Variants in FAM110B observed in about 807,000 individuals in gnomAD.
FAM110B encodes the protein protein FAM110B.
Under a neutral mutation model 20.4 loss-of-function variants are expected in FAM110B, and 6 were observed. The observed-to-expected ratio is 0.29, with a 90% confidence interval of 0.16 to 0.58. FAM110B has a LOEUF of 0.58. Ranked by LOEUF, FAM110B falls within the 20% of genes least tolerant of loss-of-function variation. FAM110B has a pLI of 0.90. For synonymous variants in FAM110B, 226 were observed against 214.1 expected, an observed-to-expected ratio of 1.06 and a Z score of -0.49; for missense variants, 434 against 498.2, an observed-to-expected ratio of 0.87 and a Z score of 1.23.
chr8:58,120,551 A>T (rs1005246804), intron 3 of FAM110B, among the ~76,000 whole-genome samples: 11 of 152,204 alleles, frequency 7.2e-5, no homozygotes, highest in Admixed American at 6.5e-4. Flanking sequence ...ACAGGTGAAC[A>T]TCTTTCTGTG....
chr8:58,025,675 A>G (rs1563500580), intron 1 of FAM110B, among the ~76,000 whole-genome samples: 1 of 152,180 alleles, frequency 6.6e-6, no homozygotes, highest in Non-Finnish European at 1.5e-5. Context: ...CACTGAGATT[A>G]ATTTAGGATG....
At chr8:58,085,474 C>T in intron 3 of FAM110B, among the ~76,000 whole-genome samples, 1 of 152,238 alleles carries the variant, frequency 6.6e-6, no homozygotes, top group Non-Finnish European at 1.5e-5. Context: ...GATCGCACCA[C>T]TGCACTCCAG....
At chr8:58,142,552 C>A (rs1803765725) in intron 3 of FAM110B, among the ~76,000 whole-genome samples, 2 of 151,614 alleles carry the variant, frequency 1.3e-5, no homozygotes, top group African/African-American at 4.8e-5. Context: ...TCCCCCACCC[C>A]GACCCCTGCC....
chr8:58,070,314 G>T (rs1273668337), intron 2 of FAM110B: 2 of 152,300 alleles, frequency 1.3e-5, no homozygotes, highest in East Asian at 3.8e-4. Flanking sequence ...GAAGGCGTTT[G>T]TCTTTGTTGT....
intron 1 of FAM110B, among the ~76,000 whole-genome samples, chr8:58,025,821 A>G (rs1446556826): frequency 6.6e-6 from 1 of 152,182 alleles, no homozygotes; most frequent in African/African-American, 2.4e-5. Flanking sequence ...TGCTACTCAG[A>G]ATGATGTCTC....
chr8:58,021,950 G>T (rs1226523208), intron 1 of FAM110B, among the ~76,000 whole-genome samples: 1 of 152,116 alleles, frequency 6.6e-6, no homozygotes, highest in Non-Finnish European at 1.5e-5. Flanking sequence ...ATACTCTATG[G>T]CCTGGCTCTA....
chr8:58,057,789 T>G (rs952088185), intron 2 of FAM110B, among the ~76,000 whole-genome samples: 4 of 152,224 alleles, frequency 2.6e-5, no homozygotes, highest in Non-Finnish European at 5.9e-5. Flanking sequence ...TTCATGGAAT[T>G]TTGCAAGGAT....
chr8:58,135,456 C>T (rs988667646), intron 3 of FAM110B, among the ~76,000 whole-genome samples: 1 of 152,146 alleles, frequency 6.6e-6, no homozygotes, highest in African/African-American at 2.4e-5. Context: ...CAAAATACTG[C>T]TTTTTCTCCC....
intron 3 of FAM110B, among the ~76,000 whole-genome samples, chr8:58,124,357 T>C (rs1354572719): frequency 6.6e-6 from 1 of 151,968 alleles, no homozygotes; most frequent in African/African-American, 2.4e-5. Flanking sequence ...CTAAGAGGAG[T>C]TGTAGTGGAT....
At chr8:58,008,305 G>C (rs781328185) in intron 1 of FAM110B, among the ~76,000 whole-genome samples, 5 of 151,718 alleles carry the variant, frequency 3.3e-5, no homozygotes, top group Non-Finnish European at 7.4e-5. Context: ...GCTAATTTTT[G>C]TATTTTTAGT....
chr8:58,043,939 T>G (rs1805272338), intron 2 of FAM110B, among the ~76,000 whole-genome samples: 1 of 152,246 alleles, frequency 6.6e-6, no homozygotes, highest in Non-Finnish European at 1.5e-5. Flanking sequence ...TTCCCTTCTC[T>G]TGACTGCTAT....
intron 2 of FAM110B, among the ~76,000 whole-genome samples, chr8:58,057,746 G>T (rs1360978313): frequency 1.3e-5 from 2 of 152,200 alleles, no homozygotes; most frequent in African/African-American, 4.8e-5. Flanking sequence ...CCATCAGTTT[G>T]CTCAACTGTA....
intron 2 of FAM110B, among the ~76,000 whole-genome samples, chr8:58,043,468 T>G (rs964397263): frequency 2.6e-5 from 4 of 151,328 alleles, no homozygotes; most frequent in South Asian, 2.1e-4. Context: ...TTATAACTTT[T>G]TTTATATATA....
intron 3 of FAM110B, among the ~76,000 whole-genome samples, chr8:58,124,487 A>C (rs972435047): frequency 1.3e-5 from 2 of 152,202 alleles, no homozygotes; most frequent in Non-Finnish European, 2.9e-5. Flanking sequence ...AACCTTTTTC[A>C]CTTGAGCTTT....
chr8:58,112,529 G>A (rs902930855), intron 3 of FAM110B, among the ~76,000 whole-genome samples: 7 of 152,190 alleles, frequency 4.6e-5, no homozygotes, highest in African/African-American at 9.7e-5. Context: ...CACTCATCCT[G>A]TAGCTGAACT....
chr8:58,070,896 C>T (rs1169604871), intron 2 of FAM110B, among the ~76,000 whole-genome samples: 1 of 152,154 alleles, frequency 6.6e-6, no homozygotes. Flanking sequence ...TTCTTTGTCT[C>T]ACCTTTTGTA....
intron 3 of FAM110B, among the ~76,000 whole-genome samples, chr8:58,104,891 CTT>C (rs1013640554): frequency 9.4e-5 from 14 of 148,500 alleles, no homozygotes; most frequent in Non-Finnish European, 1.8e-4. Flanking sequence ...AACTGAGTAA[CTT>C]TGCATCAGCC....
chr8:58,051,296 T>TA (rs1296086637), intron 2 of FAM110B, among the ~76,000 whole-genome samples: 13 of 152,190 alleles, frequency 8.5e-5, no homozygotes, highest in African/African-American at 3.1e-4. Context: ...AGGAGCAACT[T>TA]ATCAAAATCA....
chr8:58,007,767 G>A (rs907486053), intron 1 of FAM110B, among the ~76,000 whole-genome samples: 3 of 152,142 alleles, frequency 2.0e-5, no homozygotes, highest in African/African-American at 7.2e-5. Flanking sequence ...CTCCAGGACT[G>A]TGAGAAATTT....
Sources: gnomAD v4.1 joint callset for allele counts (sites outside exome capture counted in the v4.1 genomes callset) on GRCh38, gnomAD v4.1.1 for gene constraint, MANE v1.5 for transcripts, NCBI Gene and HGNC (gene_info 2026-07-23, HGNC 2026-07-21) for gene names.